Variants in SMARCA4 observed in about 807,000 individuals in gnomAD.
SMARCA4 encodes SWI/SNF-related matrix-associated actin-dependent regulator of chromatin subfamily A member 4.
A neutral mutation model predicts 193.9 loss-of-function variants in SMARCA4; 31 were observed. The ratio of observed to expected loss-of-function variants is 0.16; its 90% CI spans 0.12 to 0.22. The LOEUF is 0.22. SMARCA4 is among the 10% of genes least tolerant of loss of function. The pLI is 1.00. For synonymous variants in SMARCA4, 942 were observed against 933.1 expected (o/e 1.01, Z -0.17); for missense variants, 1,148 against 2,296.0 (o/e 0.50, Z 10.22).
rs367561750 is a variant in SMARCA4, at chr19:10,963,808, C to T, written c.-32+2634C>T. Among the ~76,000 whole-genome samples, 12 of 150,246 alleles carry T rather than the reference C, an allele frequency of 8.0e-5. No individual in the cohort carries two copies. The East Asian group carries it at 1.6e-3, about 20-fold the overall frequency. ...TGAGACGGAGTCTCGCTCTGTCATC[C>T]GGGCTGGAGTGCAATGCCCCTGTAG... On this transcript the variant is annotated intron_variant, in intron 1 of 34. Transcript: ENST00000344626.
At chr19:10,973,483 C>G (rs1390916498) in intron 1 of SMARCA4, among the ~76,000 whole-genome samples, 2 of 151,838 alleles carry the variant, frequency 1.3e-5, no homozygotes, top group African/African-American at 4.8e-5. Flanking sequence ...TCACTGCAAG[C>G]TCCGCCTACC....
chr19:10,972,079 C>A (rs1045043057), intron 1 of SMARCA4, among the ~76,000 whole-genome samples: 3 of 152,084 alleles, frequency 2.0e-5, no homozygotes, highest in Non-Finnish European at 2.9e-5. Context: ...TCCCAGCCCC[C>A]ACACCGAGTA....
chr19:11,036,433 A>AT (rs1225271274), intron 29 of SMARCA4, among the ~76,000 whole-genome samples: 2 of 152,058 alleles, frequency 1.3e-5, no homozygotes, highest in Non-Finnish European at 2.9e-5. Context: ...CTAATTTTAA[A>AT]TTTTTTGTAA....
At chr19:10,989,224 CCT>C in intron 6 of SMARCA4, 91 bp from the exon 7 acceptor site, 1 of 1,493,782 alleles carries the variant, frequency 6.7e-7, no homozygotes, top group Non-Finnish European at 9.3e-7. Flanking sequence ...CTAGTGCCTG[CCT>C]CTCTCGAGGG....
intron 22 of SMARCA4, 65 bp from the exon 23 acceptor site, chr19:11,026,235 G>A (rs1896967352): frequency 2.1e-5 from 27 of 1,273,008 alleles, no homozygotes; most frequent in Middle Eastern, 1.9e-4. Context: ...CGGTGTGTGC[G>A]GACCGCAGCG....
chr19:11,025,046 C>T (rs1445130032), intron 21 of SMARCA4, among the ~76,000 whole-genome samples: 1 of 150,316 alleles, frequency 6.7e-6, no homozygotes, highest in East Asian at 2.0e-4. Flanking sequence ...TCATGGCTCA[C>T]CCGGCTGAGG....
rs999267729 is a variant in SMARCA4, at chr19:10,985,410, A to T, written c.355+5A>T. 4 of 1,613,772 alleles carry T rather than the reference A, an allele frequency of 2.5e-6. No individual in the cohort carries two copies. The highest frequency in any genetic ancestry group is 3.4e-6 in the Non-Finnish European group (4 of 1,179,980). ...CCATGGACCAGCACTCCCAAGGTAC[A>T]GAACTGCGTTCCTTCCTGCCTTGTG... On this transcript the variant is annotated splice_donor_5th_base_variant and intron_variant, in intron 3 of 34. Transcript: ENST00000344626. The surrounding 1 kb of genome is among the most constrained non-coding windows in gnomAD (Gnocchi z 4.5).
chr19:10,996,183 C>T (rs2087024350), intron 9 of SMARCA4, 30 bp from the exon 10 acceptor site: 9 of 1,612,904 alleles, frequency 5.6e-6, no homozygotes, highest in Non-Finnish European at 7.6e-6. Flanking sequence ...ATTGTGCCAC[C>T]ACATTGCAGT....
chr19:11,021,993 C>G (rs2089907551), intron 19 of SMARCA4, 26 bp downstream of exon 19: 1 of 1,611,422 alleles, frequency 6.2e-7, no homozygotes, highest in Non-Finnish European at 8.5e-7. Context: ...TGTGCCCATG[C>G]TGACGGTTCC....
chr19:11,026,247 G>A (rs1600319779), intron 22 of SMARCA4, 53 bp from the exon 23 acceptor site: 2 of 1,455,760 alleles, frequency 1.4e-6, no homozygotes, highest in Non-Finnish European at 1.9e-6. Context: ...ACCGCAGCGG[G>A]GCCCGGTGGC....
At chr19:11,000,421 G>A (rs1258108844) in intron 11 of SMARCA4, among the ~76,000 whole-genome samples, 3 of 152,036 alleles carry the variant, frequency 2.0e-5, no homozygotes, top group East Asian at 1.9e-4. Context: ...CCACCTACTC[G>A]AGAGGCTGAG....
chr19:11,017,219 A>G (rs2089444832), intron 16 of SMARCA4, among the ~76,000 whole-genome samples: 1 of 152,178 alleles, frequency 6.6e-6, no homozygotes, highest in South Asian at 2.1e-4. Flanking sequence ...GCTTCCGTGG[A>G]CAACAGTTTC....
chr19:11,044,696 A>G (rs2075802007), intron 30 of SMARCA4, among the ~76,000 whole-genome samples: 1 of 152,190 alleles, frequency 6.6e-6, no homozygotes, highest in South Asian at 2.1e-4. Context: ...CTCTTTGGCA[A>G]TCTCTTCTGT....
At chr19:10,963,563 T>C (rs2083980816) in intron 1 of SMARCA4, among the ~76,000 whole-genome samples, 1 of 151,926 alleles carries the variant, frequency 6.6e-6, no homozygotes, top group Non-Finnish European at 1.5e-5. Flanking sequence ...GAGTACTCAT[T>C]CTGGAATCAG....
At chr19:11,037,383 T>C (rs994495707) in intron 29 of SMARCA4, among the ~76,000 whole-genome samples, 2 of 152,184 alleles carry the variant, frequency 1.3e-5, no homozygotes, top group Admixed American at 6.5e-5. Flanking sequence ...CTGAGTGTGG[T>C]TGGATTTGCA....
chr19:10,981,534 G>A (rs756408941), intron 1 of SMARCA4, among the ~76,000 whole-genome samples: 20 of 152,194 alleles, frequency 1.3e-4, no homozygotes, highest in African/African-American at 4.6e-4. Context: ...ACACATTTAG[G>A]TTTGTTTATG....
chr19:11,024,494 G>A (rs989883606), intron 21 of SMARCA4, 56 bp downstream of exon 21: 68 of 1,137,798 alleles, frequency 6.0e-5, no homozygotes, highest in Non-Finnish European at 8.2e-5. Context: ...GGCCGGCAGC[G>A]TGGCAGGCAG....
rs114928722 is a variant in SMARCA4 at position 11,029,972 on chromosome 19, G to A, written c.3383-758G>A. Among the ~76,000 whole-genome samples, 716 of 152,226 alleles carry A rather than the reference G, an allele frequency of 4.7e-3. 6 individuals carry two copies. Among genetic ancestry groups the A allele is most frequent in the African/African-American group, 0.016 (680 of 41,542 alleles). Reference sequence around the variant, plus strand: ...ATTACAGGCATGAGTCACCGCGCCCGGCCTGCCAGTTTTTATTTCATCACC... The same window carrying A: ...ATTACAGGCATGAGTCACCGCGCCCAGCCTGCCAGTTTTTATTTCATCACC... On this transcript the variant is annotated intron_variant, in intron 24 of 34. Coordinates refer to ENST00000344626, the MANE Select transcript of SMARCA4 (RefSeq NM_003072.5).
chr19:10,977,667 G>C (rs1215316901), intron 1 of SMARCA4: 4 of 152,254 alleles, frequency 2.6e-5, no homozygotes, highest in African/African-American at 9.7e-5. Flanking sequence ...AGGAGCCTCT[G>C]CTTCACATTT....
Sources: allele counts gnomAD v4.1 joint callset (sites outside exome capture counted in the v4.1 genomes callset), GRCh38; gene constraint gnomAD v4.1.1; non-coding constraint Gnocchi (gnomAD v3.1); transcripts MANE v1.5; gene names NCBI Gene and HGNC (gene_info 2026-07-23, HGNC 2026-07-21).